The following KIF4A variants were observed in gnomAD, a reference collection of about 807,000 sequenced individuals.
The protein encoded by KIF4A is chromosome-associated kinesin KIF4A.
A neutral mutation model predicts 105.9 loss-of-function variants in KIF4A; 7 were observed. The ratio of observed to expected loss-of-function variants is 0.07; its 90% CI spans 0.04 to 0.12. KIF4A has a LOEUF of 0.12. Among genes scored for constraint, KIF4A ranks in the 10% least tolerant of loss-of-function variants. KIF4A has a pLI of 1.00. For missense variants in KIF4A, 558 were observed against 929.2 expected (o/e 0.60, Z 5.19); for synonymous variants, 281 against 331.3 (o/e 0.85, Z 1.65).
chrX:70,414,442 A>G (rs2086335042), intron 28 of KIF4A, among the ~76,000 whole-genome samples: 1 of 112,084 alleles, frequency 8.9e-6, no homozygotes, highest in African/African-American at 3.2e-5. Context: ...TACTGGGTCC[A>G]TAACAAGGGA....
At chrX:70,297,580 G>A (rs1042403878) in intron 4 of KIF4A, among the ~76,000 whole-genome samples, 2 of 112,100 alleles carry the variant, frequency 1.8e-5, no homozygotes, top group East Asian at 2.8e-4. Flanking sequence ...CTGTATAAGC[G>A]GTGATAGAGT....
intron 23 of KIF4A, among the ~76,000 whole-genome samples, chrX:70,403,244 A>G (rs750873246): frequency 8.9e-6 from 1 of 112,394 alleles, no homozygotes; most frequent in Non-Finnish European, 1.9e-5. Flanking sequence ...CCAAACCCAC[A>G]AGTTTAAACA....
rs1026588604 is a variant in KIF4A, at chrX:70,351,893, G to T, written c.1432-707G>T. On this transcript the variant is annotated intron_variant, in intron 13 of 30. Coordinates refer to ENST00000374403, the MANE Select transcript of KIF4A (RefSeq NM_012310.5). ...CTGCCTCAGCCTCCAGAGTAGCTGTGATTACAGGTGCTCGCCACCACGCCC... is the reference window on the plus strand; with the variant it reads ...CTGCCTCAGCCTCCAGAGTAGCTGTTATTACAGGTGCTCGCCACCACGCCC... 2.7e-5 allele frequency among the ~76,000 whole-genome samples: 3 copies of T among 111,339 alleles called. No homozygotes were observed. In the East Asian group the frequency reaches 8.5e-4, roughly 31 times the overall value.
rs201310458 is a variant in KIF4A, at chrX:70,375,317, G to T, written c.1892G>T (p.Arg631Leu). 2 of 1,210,930 alleles carry T rather than the reference G, an allele frequency of 1.7e-6. No homozygotes were observed. The highest frequency in any genetic ancestry group is 3.0e-5 in the East Asian group (1 of 33,846). Reference sequence around the variant, plus strand: ...CTGAAACTAAAGGAATCCACAGAGCGTACTGTCTCCAAACTGAACCAGGAG... The same window carrying T: ...CTGAAACTAAAGGAATCCACAGAGCTTACTGTCTCCAAACTGAACCAGGAG... ...KLLKLKESTE[R>L]TVSKLNQEIR... Residue 631 changes from arginine (R) to leucine (L), a missense_variant, in exon 17 of 31, where the codon CGT becomes CTT. Transcript: ENST00000374403.
rs756326731 is a variant in KIF4A, at chrX:70,309,349, A to G, written c.778+6951A>G. Among the ~76,000 whole-genome samples, 4 of 110,732 alleles carry G rather than the reference A, an allele frequency of 3.6e-5. No homozygotes were observed. The South Asian group carries it at 1.5e-3, about 42-fold the overall frequency. ...AATTGCCTGTTCATACCATTTGCTT[A>G]TTTTTTCTTCTTTCATGTTGTATTT... On this transcript the variant is annotated intron_variant, in intron 7 of 30. Coordinates refer to ENST00000374403, the MANE Select transcript of KIF4A (RefSeq NM_012310.5).
At chrX:70,395,855 A>C in intron 21 of KIF4A, 29 bp downstream of exon 21, 1 of 1,207,310 alleles carries the variant, frequency 8.3e-7, no homozygotes, top group Non-Finnish European at 1.1e-6. Flanking sequence ...AAATGTTGCC[A>C]ATAATCAGAC....
At chrX:70,316,694 A>G (rs1273661412) in intron 7 of KIF4A, among the ~76,000 whole-genome samples, 1 of 111,796 alleles carries the variant, frequency 8.9e-6, no homozygotes, top group Non-Finnish European at 1.9e-5. Context: ...ACAATATTCT[A>G]AGCATCCCAG....
intron 15 of KIF4A, among the ~76,000 whole-genome samples, chrX:70,369,679 C>T (rs1051158845): frequency 9.0e-6 from 1 of 111,497 alleles, no homozygotes; most frequent in Non-Finnish European, 1.9e-5. Context: ...TCTGTATATG[C>T]TGATATAAAT....
intron 7 of KIF4A, among the ~76,000 whole-genome samples, chrX:70,302,720 C>G (rs1244248201): frequency 1.8e-5 from 2 of 111,444 alleles, no homozygotes; most frequent in Non-Finnish European, 3.8e-5. Flanking sequence ...AAGTATTCAC[C>G]ATCCCTTCCA....
rs1391000913 is a variant in KIF4A, at chrX:70,386,602, A to C, written c.2035-16A>C. ...CTAGCTGAACAGCAATTAATATCTG[A>C]CTTTTTTCTTGTCAGGACCGTAAGA... On this transcript the variant is annotated splice_polypyrimidine_tract_variant and intron_variant, in intron 18 of 30. Transcript: ENST00000374403. The C allele has an allele frequency of 1.7e-6, 2 of 1,175,634 alleles. No individual in the cohort carries two copies. Among genetic ancestry groups the C allele is most frequent in the South Asian group, 3.6e-5 (2 of 56,018 alleles).
chrX:70,385,988 G>A (rs747427037), intron 18 of KIF4A, among the ~76,000 whole-genome samples: 1 of 111,382 alleles, frequency 9.0e-6, no homozygotes, highest in African/African-American at 3.3e-5. Flanking sequence ...GTACCCAATA[G>A]GAAGTTTTTC....
chrX:70,346,866 A>C (rs1161218362), intron 13 of KIF4A, among the ~76,000 whole-genome samples: 1 of 112,129 alleles, frequency 8.9e-6, no homozygotes, highest in Non-Finnish European at 1.9e-5. Context: ...AGTGAAAGCA[A>C]AATGTTTCAA....
At chrX:70,339,982 CT>C (rs763079955) in intron 10 of KIF4A, among the ~76,000 whole-genome samples, 8 of 111,285 alleles carry the variant, frequency 7.2e-5, no homozygotes, top group African/African-American at 2.6e-4. Context: ...GCCAAGAACT[CT>C]TTTTTTTCCT....
chrX:70,395,654 A>G lies in KIF4A; in HGVS notation c.2233-17A>G, dbSNP rs772517391. 4.4e-5 allele frequency: 53 copies of G among 1,209,005 alleles called. 1 individual carries two copies. The South Asian group carries it at 9.2e-4, about 21-fold the overall frequency. On this transcript the variant is annotated splice_polypyrimidine_tract_variant and intron_variant, in intron 20 of 30. Transcript: ENST00000374403. ...ATTCCTCATCCCTAACACAGACATC[A>G]CTGATTTCTCTTCCAGAATTGGCTT...
In KIF4A at chrX:70,419,714, G is replaced by A. The variant is rs760647245; in HGVS notation, c.3426G>A (p.Leu1142=). 8.3e-7 allele frequency: 1 copy of A among 1,208,184 alleles called. No individual in the cohort carries two copies. Among genetic ancestry groups the A allele is most frequent in the African/African-American group, 1.8e-5 (1 of 56,814 alleles). The change falls in exon 30 of 31, where the codon CTG becomes CTA. Residue 1142 remains leucine, a synonymous_variant. Coordinates refer to ENST00000374403, the MANE Select transcript of KIF4A (RefSeq NM_012310.5). ...RTQDSEGSFK[L]EDPTEVTPGL... ...AGGATTCCGAAGGCTCCTTCAAACT[G>A]GAGGATCCTACCGAGGTGACCCCAG... is the stretch of plus-strand genomic sequence containing the variant.
rs986915826 is a variant in KIF4A, at chrX:70,339,210, T to G, written c.1134-2589T>G. On this transcript the variant is annotated intron_variant, in intron 10 of 30. Transcript: ENST00000374403. ...TCTTATGTATGATGTGAGCATACTT[T>G]CAATATTTTTGTTTTCAATTATTCA... is the stretch of plus-strand genomic sequence containing the variant. Among the ~76,000 whole-genome samples the G allele has an allele frequency of 2.7e-5, 3 of 112,329 alleles. No individual in the cohort carries two copies. The East Asian group carries it at 8.3e-4, about 31-fold the overall frequency.
chrX:70,395,734 G>T lies in KIF4A; in HGVS notation c.2296G>T (p.Asp766Tyr), dbSNP rs906342959. The change falls in exon 21 of 31, where the codon GAC becomes TAC. Residue 766 changes from aspartate (D) to tyrosine (Y), a missense_variant. Asp to Tyr is a radical substitution (Grantham distance 160). This residue lies in a region of KIF4A where 469 missense variants were observed against 680.4 expected (regional missense o/e 0.69). Transcript: ENST00000374403. ...STEEAKRHLN[D>Y]LLEDRKILAQ... ...TGAGGAAGCCAAACGCCATCTGAAT[G>T]ACCTCCTTGAAGATAGAAAGATCCT... 6 of 1,209,448 alleles carry T rather than the reference G, an allele frequency of 5.0e-6. No individual in the cohort carries two copies. Among genetic ancestry groups the T allele is most frequent in the Non-Finnish European group, 6.7e-6 (6 of 895,191 alleles).
chrX:70,314,271 A>G (rs2085861443), intron 7 of KIF4A, among the ~76,000 whole-genome samples: 1 of 112,552 alleles, frequency 8.9e-6, no homozygotes, highest in African/African-American at 3.2e-5. Context: ...TCAAGAACTA[A>G]GAAAGTTGCT....
intron 10 of KIF4A, among the ~76,000 whole-genome samples, chrX:70,336,182 T>A (rs2085949616): frequency 1.8e-5 from 2 of 112,290 alleles, no homozygotes; most frequent in Non-Finnish European, 3.8e-5. Flanking sequence ...AGAGAAGTCT[T>A]CCGCATTCTT....
Sources: gnomAD v4.1 joint callset for allele counts (sites outside exome capture counted in the v4.1 genomes callset) on GRCh38, gnomAD v4.1.1 for gene constraint, gnomAD v4.1.1 regional missense constraint, MANE v1.5 for transcripts, NCBI Gene and HGNC (gene_info 2026-07-23, HGNC 2026-07-21) for gene names.